The following PUS7 variants were observed in gnomAD, a reference collection of about 807,000 sequenced individuals.
PUS7 encodes the protein pseudouridylate synthase 7 homolog.
PUS7 carries 48 observed loss-of-function variants against 79.8 expected under a neutral mutation model. The ratio of observed to expected loss-of-function variants is 0.60; its 90% CI spans 0.48 to 0.76. PUS7 has a LOEUF of 0.76. Ranked by LOEUF, PUS7 falls within the 30% of genes least tolerant of loss-of-function variation. PUS7 has a pLI of 0.00. For missense variants in PUS7, 729 were observed against 797.6 expected (o/e 0.91, Z 1.04); for synonymous variants, 286 against 272.2 (o/e 1.05, Z -0.50).
chr7:105,476,287 T>C (rs1824108931), intron 9 of PUS7, among the ~76,000 whole-genome samples: 1 of 152,142 alleles, frequency 6.6e-6, no homozygotes, highest in South Asian at 2.1e-4. Flanking sequence ...TGTACAAATA[T>C]CTGGTGAGTT....
At chr7:105,487,534 G>C (rs1227047007) in intron 7 of PUS7, among the ~76,000 whole-genome samples, 1 of 152,156 alleles carries the variant, frequency 6.6e-6, no homozygotes, top group Non-Finnish European at 1.5e-5. Flanking sequence ...CTCAGTTCTG[G>C]TTGGTATGGG....
At position 105,465,298 on chromosome 7, in the gene PUS7, A is replaced by C; in HGVS notation, c.1627+15T>G. On this transcript the variant is annotated intron_variant, in intron 13 of 15. Transcript: ENST00000469408. The stretch of plus-strand genomic sequence containing the variant: ...TAAACTTGTTTTAACTATTTTCCCC[A>C]TACAGGGAACTTACTTTTATGCTTT... The C allele has an allele frequency of 6.4e-7, 1 of 1,558,726 alleles. No homozygotes were observed. The highest frequency in any genetic ancestry group is 8.8e-7 in the Non-Finnish European group (1 of 1,131,470).
At chr7:105,462,925 C>G (rs11771875) in intron 13 of PUS7, among the ~76,000 whole-genome samples, 175 bp from the exon 14 acceptor site, 20,503 of 152,132 alleles carry the variant, frequency 0.13, 1,760 homozygotes, top group Middle Eastern at 0.31. Context: ...GACTTAGTAA[C>G]TAGGACTACA....
chr7:105,503,824 C>T (rs1825349932), intron 4 of PUS7, among the ~76,000 whole-genome samples: 1 of 151,814 alleles, frequency 6.6e-6, no homozygotes, highest in East Asian at 1.9e-4. Flanking sequence ...GTAGAGATGG[C>T]GTTTCGCCAT....
At chr7:105,494,799 G>A (rs921139359) in intron 6 of PUS7, among the ~76,000 whole-genome samples, 4 of 151,744 alleles carry the variant, frequency 2.6e-5, no homozygotes, top group African/African-American at 9.7e-5. Context: ...GCAATATAGT[G>A]AGACTCTGTC....
At chr7:105,508,722 ATTAG>A (rs1825574704) in intron 1 of PUS7, among the ~76,000 whole-genome samples, 178 bp from the exon 2 acceptor site, 1 of 151,432 alleles carries the variant, frequency 6.6e-6, no homozygotes. Flanking sequence ...TCTACTAAAT[ATTAG>A]TTAGGCGTGG....
intron 9 of PUS7, among the ~76,000 whole-genome samples, chr7:105,476,466 T>C (rs551092635): frequency 6.6e-6 from 1 of 152,258 alleles, no homozygotes; most frequent in African/African-American, 2.4e-5. Flanking sequence ...CAAGCAATTC[T>C]CCTGCCTCAG....
chr7:105,461,074 G>A (rs899494915), intron 14 of PUS7, among the ~76,000 whole-genome samples: 5 of 152,114 alleles, frequency 3.3e-5, no homozygotes, highest in South Asian at 4.1e-4. Flanking sequence ...GCTATGTTGC[G>A]GAGGCAGGTC....
chr7:105,500,819 A>G (rs139410186), intron 5 of PUS7, among the ~76,000 whole-genome samples: 227 of 152,342 alleles, frequency 1.5e-3, no homozygotes, highest in African/African-American at 4.9e-3. Flanking sequence ...CTCCTCTTTG[A>G]GCAACCTTGG....
chr7:105,467,050 T>G (rs1200509434), intron 12 of PUS7, among the ~76,000 whole-genome samples: 4 of 142,446 alleles, frequency 2.8e-5, no homozygotes, highest in South Asian at 2.2e-4. Flanking sequence ...TTTTTTTTTT[T>G]TTTTTTTTTT....
At chr7:105,459,884 C>T (rs556933122) in intron 14 of PUS7, among the ~76,000 whole-genome samples, 1 of 152,240 alleles carries the variant, frequency 6.6e-6, no homozygotes, top group Non-Finnish European at 1.5e-5. Flanking sequence ...GCGTGGGTAA[C>T]ATGGTGAAAC....
chr7:105,500,169 C>G (rs968254854), intron 5 of PUS7, among the ~76,000 whole-genome samples: 7 of 152,174 alleles, frequency 4.6e-5, no homozygotes, highest in Admixed American at 4.6e-4. Context: ...AATCTGACTT[C>G]CTTCTTGCTT....
intron 9 of PUS7, among the ~76,000 whole-genome samples, chr7:105,473,999 A>G (rs1823980993): frequency 1.3e-5 from 2 of 152,226 alleles, no homozygotes; most frequent in South Asian, 2.1e-4. Context: ...AACTTTTACT[A>G]TAGTATTGCT....
intron 1 of PUS7, among the ~76,000 whole-genome samples, chr7:105,514,130 C>T (rs530192400): frequency 7.3e-6 from 1 of 137,156 alleles, no homozygotes; most frequent in African/African-American, 2.7e-5. Context: ...ACTCGGGAGG[C>T]TGAGGCAGGA....
chr7:105,503,462 C>A (rs1191135033), intron 4 of PUS7, among the ~76,000 whole-genome samples: 1 of 152,144 alleles, frequency 6.6e-6, no homozygotes, highest in African/African-American at 2.4e-5. Context: ...TCACTAGTTA[C>A]ATGATATTTT....
At chr7:105,505,836 C>T in intron 4 of PUS7, 119 bp downstream of exon 4, 1 of 811,152 alleles carries the variant, frequency 1.2e-6, no homozygotes, top group Admixed American at 2.4e-5. Flanking sequence ...CCTTTAGATC[C>T]AATAGAGCAA....
intron 9 of PUS7, among the ~76,000 whole-genome samples, chr7:105,477,113 G>A (rs761375697): frequency 1.3e-4 from 20 of 151,858 alleles, no homozygotes; most frequent in Non-Finnish European, 2.6e-4. Context: ...TTTGTTTGTT[G>A]CCTGTGCTTT....
At chr7:105,485,249 G>T (rs1194125742) in intron 7 of PUS7, among the ~76,000 whole-genome samples, 1 of 150,188 alleles carries the variant, frequency 6.7e-6, no homozygotes, top group Non-Finnish European at 1.5e-5. Context: ...TTTGCTCTTT[G>T]CCCAGGCTGG....
intron 1 of PUS7, among the ~76,000 whole-genome samples, chr7:105,518,355 T>C (rs1484412563): frequency 6.6e-6 from 1 of 152,022 alleles, no homozygotes; most frequent in Non-Finnish European, 1.5e-5. Context: ...AAATTAAGTT[T>C]AGCATTTTCA....
Sources: gnomAD v4.1 joint callset for allele counts (sites outside exome capture counted in the v4.1 genomes callset) on GRCh38, gnomAD v4.1.1 for gene constraint, MANE v1.5 for transcripts, NCBI Gene and HGNC (gene_info 2026-07-23, HGNC 2026-07-21) for gene names.